Variants in WNT2B observed in about 807,000 individuals in gnomAD.
The protein encoded by WNT2B is Wnt family member 2B, also known as protein Wnt-2b.
In WNT2B, 19 loss-of-function variants were observed where a neutral mutation model predicts 40.5. That is an observed-to-expected ratio of 0.47 (90% CI 0.33 to 0.69). The LOEUF is 0.69. WNT2B is among the 30% of genes least tolerant of loss of function. The probability of loss-of-function intolerance (pLI) is 0.02; values close to 1 mark genes in which losing one functional copy is unlikely to be tolerated. For synonymous variants in WNT2B, 220 were observed against 211.9 expected (o/e 1.04, Z -0.33); for missense variants, 467 against 556.4 (o/e 0.84, Z 1.62).
At chr1:112,480,365 C>CAA (rs10709816) in intron 1 of WNT2B, among the ~76,000 whole-genome samples, 4 of 91,696 alleles carry the variant, frequency 4.4e-5, no homozygotes, top group African/African-American at 1.1e-4. Context: ...GACTCCGTCT[C>CAA]AAAAAAAAAA....
chr1:112,490,512 C>T lies in WNT2B; in HGVS notation c.-95+22921C>T, dbSNP rs1420733700. On this transcript the variant is annotated intron_variant, in intron 1 of 4. Transcript: ENST00000256640. The stretch of plus-strand genomic sequence containing the variant: ...ATATTCTTTTTTTTTTTTTTTGAGA[C>T]GGAGTCTCGCTCTGTCTCCCAGGTT... Among the ~76,000 whole-genome samples, 5 of 144,666 alleles carry T rather than the reference C, an allele frequency of 3.5e-5. 1 individual carries two copies. The South Asian group carries it at 8.7e-4, about 25-fold the overall frequency. The allele number at this position is 144,666 out of a possible 152,430, so 94.9% of individuals were successfully genotyped here.
intron 1 of WNT2B, among the ~76,000 whole-genome samples, chr1:112,472,358 T>C (rs1013691151): frequency 9.9e-5 from 15 of 152,118 alleles, no homozygotes; most frequent in African/African-American, 3.6e-4. Flanking sequence ...CCAAGACCAA[T>C]GAGAGAACCA....
intron 1 of WNT2B, among the ~76,000 whole-genome samples, chr1:112,480,587 C>CA (rs2101055243): frequency 1.3e-5 from 2 of 152,054 alleles, no homozygotes; most frequent in African/African-American, 4.8e-5. Context: ...AATCAGTACT[C>CA]AAAAAATCTC....
rs1003185218 is a variant in WNT2B, at chr1:112,509,501, G to T, written c.182+57G>T. The T allele has an allele frequency of 1.3e-5, 19 of 1,504,904 alleles. No individual in the cohort carries two copies. Among genetic ancestry groups the T allele is most frequent in the African/African-American group, 1.5e-5 (1 of 67,802 alleles). The allele number at this position is 1,504,904 out of a possible 1,614,324, so 93.2% of individuals were successfully genotyped here. On this transcript the variant is annotated intron_variant, in intron 1 of 4. Coordinates refer to ENST00000369684, the MANE Select transcript of WNT2B (RefSeq NM_024494.3). The surrounding 1 kb of genome is among the most constrained non-coding windows in gnomAD (Gnocchi z 4.2). ...GCGCTTGGTAGGAGAGGCCGGAGGC[G>T]CCTGGAGGGACTGGCTGCTCACGGG...
chr1:112,504,599 T>G (rs1172053135), upstream of WNT2B, among the ~76,000 whole-genome samples: 3 of 152,158 alleles, frequency 2.0e-5, no homozygotes, highest in African/African-American at 7.2e-5. Context: ...CTTCCTTTAC[T>G]TCCCCAGACA....
intron 1 of WNT2B, among the ~76,000 whole-genome samples, chr1:112,495,249 A>G (rs897933206): frequency 4.0e-5 from 6 of 151,414 alleles, no homozygotes; most frequent in African/African-American, 1.5e-4. Context: ...TATAAAAGCA[A>G]CAACAGAAAA....
At chr1:112,480,933 C>T (rs1292069175) in intron 1 of WNT2B, among the ~76,000 whole-genome samples, 4 of 152,136 alleles carry the variant, frequency 2.6e-5, no homozygotes, top group African/African-American at 4.8e-5. Flanking sequence ...CTTTGGGAGG[C>T]CGAGGTGGAT....
intron 1 of WNT2B, among the ~76,000 whole-genome samples, chr1:112,470,744 T>C (rs1394418523): frequency 6.6e-6 from 1 of 152,166 alleles, no homozygotes; most frequent in Admixed American, 6.5e-5. Context: ...GCTCACCCAC[T>C]TGGGCTCCTG....
chr1:112,500,696 C>T (rs1198264538), intron 1 of WNT2B, among the ~76,000 whole-genome samples: 1 of 152,022 alleles, frequency 6.6e-6, no homozygotes, highest in Non-Finnish European at 1.5e-5. Flanking sequence ...GGCTTGAGCC[C>T]AGGAGTTCAG....
rs1653782920 is a variant in WNT2B, at chr1:112,528,240, TG to T, written c.*7732del. 1 of 152,154 alleles carries T rather than the reference TG, an allele frequency of 6.6e-6. No individual in the cohort carries two copies. Among genetic ancestry groups the T allele is most frequent in the South Asian group, 2.1e-4 (1 of 4,826 alleles). 9.4% of individuals were successfully genotyped at this position (152,154 alleles called of 1,614,324 possible). On this transcript the variant is annotated 3_prime_UTR_variant, in exon 5 of 5. Coordinates refer to ENST00000369684, the MANE Select transcript of WNT2B (RefSeq NM_024494.3). ...CTAAATAGAGGGAACTGGTATGTGCTGAAACTTAGAAGCAGGAATGTACAAG... is the reference window on the plus strand; with the variant it reads ...CTAAATAGAGGGAACTGGTATGTGCTAAACTTAGAAGCAGGAATGTACAAG...
intron 4 of WNT2B, chr1:112,517,942 A>G (rs2101093571): frequency 6.4e-6 from 1 of 155,306 alleles, no homozygotes. Context: ...AGTAGGTGGG[A>G]AAGCACATGA....
Position 112,523,389 on chromosome 1 carries a change from G to A in WNT2B, c.*2880G>A, listed in dbSNP as rs922264767. 1.3e-5 allele frequency: 2 copies of A among 152,210 alleles called. No individual in the cohort carries two copies. Among genetic ancestry groups the A allele is most frequent in the Non-Finnish European group, 2.9e-5 (2 of 68,036 alleles). 9.4% of individuals were successfully genotyped at this position (152,210 alleles called of 1,614,324 possible). A position where few individuals can be genotyped will look rare whatever the true frequency, so the allele number is the denominator to read the frequency against. On this transcript the variant is annotated 3_prime_UTR_variant, in exon 5 of 5. Coordinates refer to ENST00000369684, the MANE Select transcript of WNT2B (RefSeq NM_024494.3). ...TGTCCATTTGAGCCCCACCACGGAG[G>A]TTATGTGGTCCCAAAAGGAATGATG...
At chr1:112,520,244 T>C (rs764860088) in intron 4 of WNT2B, 36 bp from the exon 5 acceptor site, 3 of 1,586,014 alleles carry the variant, frequency 1.9e-6, no homozygotes, top group Non-Finnish European at 1.7e-6. Flanking sequence ...GCTGAAGAGA[T>C]AACTTTGTTC....
At chr1:112,488,879 A>C (rs1229152330) in intron 1 of WNT2B, among the ~76,000 whole-genome samples, 1 of 152,028 alleles carries the variant, frequency 6.6e-6, no homozygotes, top group Non-Finnish European at 1.5e-5. Context: ...TTTTAGAGAC[A>C]GGATTTTCCT....
chr1:112,506,207 C>A (rs1034173115), upstream of WNT2B, among the ~76,000 whole-genome samples: 4 of 152,134 alleles, frequency 2.6e-5, no homozygotes, highest in Non-Finnish European at 5.9e-5. Flanking sequence ...CCGTATTGAC[C>A]AGGCTAGTCT....
intron 1 of WNT2B, among the ~76,000 whole-genome samples, chr1:112,492,762 G>C (rs1326296143): frequency 6.6e-6 from 1 of 152,094 alleles, no homozygotes; most frequent in Non-Finnish European, 1.5e-5. Flanking sequence ...CATTGGGGAA[G>C]GGAATATTAA....
rs1288155983 is a variant in WNT2B at position 112,523,290 on chromosome 1, T to C, written c.*2781T>C. The C allele has an allele frequency of 6.6e-6, 1 of 152,178 alleles. No individual in the cohort carries two copies. The highest frequency in any genetic ancestry group is 1.5e-5 in the Non-Finnish European group (1 of 68,050). 9.4% of individuals were successfully genotyped at this position (152,178 alleles called of 1,614,324 possible). A position where few individuals can be genotyped will look rare whatever the true frequency, so the allele number is the denominator to read the frequency against. Reference sequence around the variant, plus strand: ...AAGATGCAAGTTTTGCAATTTCCTATAAATGGTTAAGAAAAGAGCAAGCTG... The same window carrying C: ...AAGATGCAAGTTTTGCAATTTCCTACAAATGGTTAAGAAAAGAGCAAGCTG... On this transcript the variant is annotated 3_prime_UTR_variant, in exon 5 of 5. Coordinates refer to ENST00000369684, the MANE Select transcript of WNT2B (RefSeq NM_024494.3).
chr1:112,472,980 AAGAG>A (rs1650928163), intron 1 of WNT2B, among the ~76,000 whole-genome samples: 3 of 134,994 alleles, frequency 2.2e-5, no homozygotes, highest in Non-Finnish European at 4.6e-5. Context: ...GAGAAAGAGA[AAGAG>A]AGAGGGAGGG....
chr1:112,495,860 G>A (rs897425685), intron 1 of WNT2B, among the ~76,000 whole-genome samples: 2 of 152,204 alleles, frequency 1.3e-5, no homozygotes, highest in African/African-American at 4.8e-5. Context: ...GGTGCTGGCA[G>A]GTTCCTTGTC....
Sources: gnomAD v4.1 joint callset for allele counts (sites outside exome capture counted in the v4.1 genomes callset) on GRCh38, gnomAD v4.1.1 for gene constraint, Gnocchi (gnomAD v3.1) non-coding constraint, MANE v1.5 for transcripts, NCBI Gene and HGNC (gene_info 2026-07-23, HGNC 2026-07-21) for gene names.